Variants in DCAF12 observed in about 807,000 individuals in gnomAD.
DCAF12 encodes the protein DDB1- and CUL4-associated factor 12.
A neutral mutation model predicts 52.8 loss-of-function variants in DCAF12; 28 were observed. The observed-to-expected ratio is 0.53, with a 90% CI of 0.39 to 0.73. The LOEUF (loss-of-function observed/expected upper bound fraction) is 0.73, where lower values mean the gene tolerates loss of function less well. DCAF12 is among the 30% of genes least tolerant of loss of function. The pLI is 0.00. For missense variants in DCAF12, 425 were observed against 552.2 expected, an observed-to-expected ratio of 0.77 and a Z score of 2.31; for synonymous variants, 196 against 215.5, an observed-to-expected ratio of 0.91 and a Z score of 0.79.
At chr9:34,103,341 A>G (rs1255001858) in intron 4 of DCAF12, among the ~76,000 whole-genome samples, 1 of 151,316 alleles carries the variant, frequency 6.6e-6, no homozygotes, top group Non-Finnish European at 1.5e-5. Flanking sequence ...TGGGAGGCGG[A>G]GGTTGCAGTG....
At chr9:34,116,370 C>T (rs1587740754) in intron 2 of DCAF12, among the ~76,000 whole-genome samples, 1 of 151,230 alleles carries the variant, frequency 6.6e-6, no homozygotes, top group Non-Finnish European at 1.5e-5. Context: ...ATAAATAATA[C>T]AAATAAATAA....
chr9:34,098,202 G>T, intron 5 of DCAF12, 122 bp downstream of exon 5: 1 of 1,009,536 alleles, frequency 9.9e-7, no homozygotes, highest in South Asian at 1.7e-5. Flanking sequence ...GCCTTTAAGA[G>T]GTGTTCTGTG....
intron 2 of DCAF12, among the ~76,000 whole-genome samples, chr9:34,113,110 G>A (rs1475919797): frequency 6.6e-6 from 1 of 151,976 alleles, no homozygotes; most frequent in Non-Finnish European, 1.5e-5. Flanking sequence ...GAGTGCAATG[G>A]CATGATCTTG....
chr9:34,123,197 T>C (rs1202739087), intron 2 of DCAF12, among the ~76,000 whole-genome samples: 1 of 152,170 alleles, frequency 6.6e-6, no homozygotes, highest in Admixed American at 6.6e-5. Flanking sequence ...CATCAAAACT[T>C]TCCTATTGAG....
chr9:34,109,950 G>C (rs1828971697), intron 2 of DCAF12: 1 of 217,314 alleles, frequency 4.6e-6, no homozygotes, highest in South Asian at 8.3e-5. Flanking sequence ...CCAACACCTT[G>C]GGTGGGGGCA....
At chr9:34,120,830 A>G (rs1411296302) in intron 2 of DCAF12, among the ~76,000 whole-genome samples, 1 of 151,718 alleles carries the variant, frequency 6.6e-6, no homozygotes, top group Non-Finnish European at 1.5e-5. Flanking sequence ...AAACAAGACC[A>G]CTCTATAATC....
At position 34,125,162 on chromosome 9, in the gene DCAF12, C is replaced by T. The variant is rs1367051033; in HGVS notation, c.194G>A (p.Arg65Gln). ...CTGTGCTGCATAACCATGCAACACTCGAGAGTAGCTGGTTTCATTCTGTAG... is the reference window on the plus strand; with the variant it reads ...CTGTGCTGCATAACCATGCAACACTTGAGAGTAGCTGGTTTCATTCTGTAG... The part of the protein sequence containing the change: ...VRLQNETSYS[R>Q]VLHGYAAQQL... Residue 65 changes from arginine (R) to glutamine (Q), a missense_variant, in exon 2 of 9, where the codon CGA (arginine) becomes CAA (glutamine). By Grantham distance (43) the Arg-to-Gln change is conservative (BLOSUM62 1). Coordinates refer to ENST00000361264, the MANE Select transcript of DCAF12 (RefSeq NM_015397.4). 2.5e-6 allele frequency: 4 copies of T among 1,614,054 alleles called. No homozygotes were observed. Among genetic ancestry groups the T allele is most frequent in the Non-Finnish European group, 2.5e-6 (3 of 1,180,020 alleles).
At chr9:34,121,627 C>T (rs973354103) in intron 2 of DCAF12, among the ~76,000 whole-genome samples, 1 of 152,062 alleles carries the variant, frequency 6.6e-6, no homozygotes, top group Non-Finnish European at 1.5e-5. Context: ...CCTCAAATCA[C>T]ACCCCACCCC....
chr9:34,120,647 GC>G (rs1477470427), intron 2 of DCAF12, among the ~76,000 whole-genome samples: 1 of 140,184 alleles, frequency 7.1e-6, no homozygotes, highest in Admixed American at 7.7e-5. Context: ...TCCAGCCTTG[GC>G]AACACAGCAA....
chr9:34,108,670 C>T (rs1391157258), intron 2 of DCAF12, among the ~76,000 whole-genome samples: 2 of 151,914 alleles, frequency 1.3e-5, no homozygotes, highest in African/African-American at 4.8e-5. Context: ...CCTGTAATCT[C>T]AGCTACTCGG....
At chr9:34,088,623 CAA>C in intron 8 of DCAF12, 115 bp from the exon 9 acceptor site, 1 of 1,162,578 alleles carries the variant, frequency 8.6e-7, no homozygotes. Flanking sequence ...TCTACAGGTA[CAA>C]CCTCATGTCA....
chr9:34,098,292 T>G (rs770459296), intron 5 of DCAF12, 32 bp downstream of exon 5: 1 of 1,601,184 alleles, frequency 6.2e-7, no homozygotes, highest in Admixed American at 1.7e-5. Flanking sequence ...GCAAGAGGAA[T>G]ACACGTCAGG....
chr9:34,099,745 C>A (rs1214619844), intron 4 of DCAF12, among the ~76,000 whole-genome samples: 1 of 151,676 alleles, frequency 6.6e-6, no homozygotes, highest in African/African-American at 2.4e-5. Context: ...AGGCACACGT[C>A]ACCATGCCCG....
At chr9:34,117,716 A>T (rs1365324016) in intron 2 of DCAF12, among the ~76,000 whole-genome samples, 1 of 152,086 alleles carries the variant, frequency 6.6e-6, no homozygotes, top group Non-Finnish European at 1.5e-5. Flanking sequence ...GGATTTCGAG[A>T]CCAGCCTCAC....
At chr9:34,106,001 G>A (rs1828898428) in intron 4 of DCAF12, among the ~76,000 whole-genome samples, 3 of 151,840 alleles carry the variant, frequency 2.0e-5, no homozygotes, top group Admixed American at 6.6e-5. Flanking sequence ...ACCCACCTCG[G>A]CCTCCCAAAG....
chr9:34,108,198 G>A (rs994387088), intron 2 of DCAF12, among the ~76,000 whole-genome samples: 17 of 152,210 alleles, frequency 1.1e-4, no homozygotes, highest in South Asian at 6.2e-4. Flanking sequence ...ATGCTTTATG[G>A]AAAAATCAGT....
At chr9:34,110,768 A>G (rs1457027836) in intron 2 of DCAF12, among the ~76,000 whole-genome samples, 1 of 148,176 alleles carries the variant, frequency 6.7e-6, no homozygotes, top group East Asian at 2.0e-4. Flanking sequence ...TGGGTGACAG[A>G]GCAAGACCCT....
chr9:34,107,537 T>C lies in DCAF12; in HGVS notation c.362A>G (p.Gln121Arg). The C allele has an allele frequency of 1.2e-6, 2 of 1,614,206 alleles. No individual in the cohort carries two copies. The highest frequency in any genetic ancestry group is 1.7e-6 in the Non-Finnish European group (2 of 1,180,038). ...TTTCAGAATGGGGATCTTGGTGATC[T>C]GGCTTGTCTGGACATCTACGACAAA... Reference protein sequence around the residue: ...TLFVVDVQTSQITKIPILKDR... With the variant: ...TLFVVDVQTSRITKIPILKDR... The change falls in exon 3 of 9, where the codon CAG (glutamine) becomes CGG (arginine). Residue 121 changes from glutamine to arginine, a missense_variant. Physicochemically the swap from Gln to Arg is conservative, Grantham distance 43 (BLOSUM62 1). Coordinates refer to ENST00000361264, the MANE Select transcript of DCAF12 (RefSeq NM_015397.4).
At chr9:34,088,569 G>A (rs1008479968) in intron 8 of DCAF12, 61 bp from the exon 9 acceptor site, 7 of 1,576,594 alleles carry the variant, frequency 4.4e-6, no homozygotes, top group Non-Finnish European at 6.1e-6. Context: ...AAAAGGGGGA[G>A]GAAGGGACAG....
Sources: allele counts gnomAD v4.1 joint callset (sites outside exome capture counted in the v4.1 genomes callset), GRCh38; gene constraint gnomAD v4.1.1; transcripts MANE v1.5; gene names NCBI Gene and HGNC (gene_info 2026-07-23, HGNC 2026-07-21).